Variants in GCNT1 observed in about 807,000 individuals in gnomAD.
GCNT1 encodes glucosaminyl (N-acetyl) transferase 1, also known as beta-1,3-galactosyl-O-glycosyl-glycoprotein beta-1,6-N-acetylglucosaminyltransferase.
Under a neutral mutation model 26.2 loss-of-function variants are expected in GCNT1, and 16 were observed. That is an observed-to-expected ratio of 0.61 (90% CI 0.41 to 0.93). The LOEUF (loss-of-function observed/expected upper bound fraction) is 0.93, where lower values mean the gene tolerates loss of function less well. GCNT1 is among the 40% of genes least tolerant of loss of function. The pLI is 0.00. For missense variants in GCNT1, 477 were observed against 526.7 expected (o/e 0.91, Z 0.92); for synonymous variants, 183 against 190.8 (o/e 0.96, Z 0.34).
At chr9:76,498,436 C>T (rs1157100188) in intron 2 of GCNT1, among the ~76,000 whole-genome samples, 1 of 152,078 alleles carries the variant, frequency 6.6e-6, no homozygotes, top group Non-Finnish European at 1.5e-5. Flanking sequence ...ACATTTCTAC[C>T]AGCAATTTAT....
At chr9:76,413,335 C>CGGG in the GCNT1 span, among the ~76,000 whole-genome samples, 1 of 152,180 alleles carries the variant, frequency 6.6e-6, no homozygotes, top group East Asian at 1.9e-4. Flanking sequence ...GACACTTAGA[C>CGGG]ATCCAGCTGT....
rs57881800 is a variant in GCNT1 at position 76,492,023 on chromosome 9, A to G, written c.-289-8893A>G. On this transcript the variant is annotated intron_variant, in intron 2 of 3. Coordinates refer to ENST00000376730, the MANE Select transcript of GCNT1 (RefSeq NM_001490.5). ...GCAACTATCTGTAAACAGTGAGGCC[A>G]GCCTTTTGCTACTGTATCAATTTCC... Among the ~76,000 whole-genome samples, 441 of 152,354 alleles carry G rather than the reference A, an allele frequency of 2.9e-3. 2 individuals are homozygous for G. The highest frequency in any genetic ancestry group is 0.01 in the African/African-American group (419 of 41,578).
chr9:76,444,396 G>A (rs903053392), intron 1 of GCNT1, among the ~76,000 whole-genome samples: 4 of 152,136 alleles, frequency 2.6e-5, no homozygotes, highest in Admixed American at 2.6e-4. Flanking sequence ...GTGAAGCTCT[G>A]CAGGGTTAAG....
chr9:76,452,884 C>T (rs1442012496), intron 1 of GCNT1, among the ~76,000 whole-genome samples: 1 of 152,172 alleles, frequency 6.6e-6, no homozygotes, highest in Non-Finnish European at 1.5e-5. Context: ...AATCTTCAAT[C>T]TAAGGAGCTT....
chr9:76,400,842 C>G, the GCNT1 span, among the ~76,000 whole-genome samples: 13 of 152,140 alleles, frequency 8.5e-5, no homozygotes, highest in South Asian at 2.1e-4. Flanking sequence ...AGGGAGAGTT[C>G]CTGTGATCAT....
At chr9:76,442,671 A>G (rs992523750) in intron 1 of GCNT1, among the ~76,000 whole-genome samples, 2 of 152,072 alleles carry the variant, frequency 1.3e-5, no homozygotes, top group African/African-American at 4.8e-5. Context: ...ACAGAGTGAG[A>G]CTCCATCTCA....
chr9:76,410,159 C>T, the GCNT1 span, among the ~76,000 whole-genome samples: 3 of 151,976 alleles, frequency 2.0e-5, no homozygotes, highest in Non-Finnish European at 2.9e-5. Context: ...GGGCTGGGCA[C>T]GGTGGCTCAT....
chr9:76,426,374 C>T (rs1269573999), intron 1 of GCNT1, among the ~76,000 whole-genome samples: 1 of 152,104 alleles, frequency 6.6e-6, no homozygotes, highest in African/African-American at 2.4e-5. Flanking sequence ...TCAAGACCAT[C>T]CTGGGCAACA....
At chr9:76,443,990 G>GAAGA (rs1396077066) in intron 1 of GCNT1, among the ~76,000 whole-genome samples, 5 of 73,718 alleles carry the variant, frequency 6.8e-5, no homozygotes, top group African/African-American at 1.9e-4. Flanking sequence ...AGGAAGGAAG[G>GAAGA]AAGAAAAAAA....
At chr9:76,436,217 T>C (rs540573072) in intron 1 of GCNT1, among the ~76,000 whole-genome samples, 69 of 151,906 alleles carry the variant, frequency 4.5e-4, no homozygotes, top group African/African-American at 1.6e-3. Context: ...CTCCATCTTA[T>C]AAGAAAACAT....
intron 2 of GCNT1, among the ~76,000 whole-genome samples, chr9:76,483,202 TTTG>T (rs917460165): frequency 6.6e-6 from 1 of 152,152 alleles, no homozygotes; most frequent in African/African-American, 2.4e-5. Flanking sequence ...TAAAAAAGTA[TTTG>T]TTGAGACTAG....
rs192580059 is a variant in GCNT1, at chr9:76,504,363, C to T, written c.*695C>T. Reference sequence around the variant, plus strand: ...TCTACAAATCATCTTATGTTATTAGCAAGGTTAAGACATCTTTTTTAAAAA... The same window carrying T: ...TCTACAAATCATCTTATGTTATTAGTAAGGTTAAGACATCTTTTTTAAAAA... On this transcript the variant is annotated 3_prime_UTR_variant, in exon 4 of 4. Coordinates refer to ENST00000376730, the MANE Select transcript of GCNT1 (RefSeq NM_001490.5). The T allele has an allele frequency of 3.0e-4, 52 of 175,834 alleles. No individual in the cohort carries two copies. The East Asian group carries it at 8.4e-3, about 28-fold the overall frequency. 10.9% of individuals were successfully genotyped at this position (175,834 alleles called of 1,614,324 possible). A position where few individuals can be genotyped will look rare whatever the true frequency, so the allele number is the denominator to read the frequency against.
At position 76,503,255 on chromosome 9, in the gene GCNT1, A is replaced by T. The variant is rs369641865; in HGVS notation, c.874A>T (p.Ser292Cys). Residue 292 changes from serine to cysteine, a missense_variant, in exon 4 of 4, where the codon AGT (serine) becomes TGT (cysteine). Ser to Cys is a moderately radical substitution (Grantham distance 112). Coordinates refer to ENST00000376730, the MANE Select transcript of GCNT1 (RefSeq NM_001490.5). ...TTCTGGCAGTGCCTACTTCGTGGTC[A>T]GTAGGGAGTATGTGGGGTATGTACT... Reference protein sequence around the residue: ...LFSGSAYFVVSREYVGYVLQN... With the variant: ...LFSGSAYFVVCREYVGYVLQN... 6.2e-7 allele frequency: 1 copy of T among 1,614,190 alleles called. No individual in the cohort carries two copies. Among genetic ancestry groups the T allele is most frequent in the East Asian group, 2.2e-5 (1 of 44,888 alleles).
exon 1 of GCNT1, chr9:76,442,032 C>T (rs1165058785): frequency 6.6e-6 from 1 of 152,194 alleles, no homozygotes; most frequent in South Asian, 2.1e-4. Flanking sequence ...CATGGCAATT[C>T]GCACAGTGTG....
chr9:76,452,227 C>T (rs1248949425), intron 1 of GCNT1, among the ~76,000 whole-genome samples: 1 of 152,082 alleles, frequency 6.6e-6, no homozygotes, highest in East Asian at 1.9e-4. Context: ...CCTTGGCCTC[C>T]CAAAGTGCTG....
In GCNT1 at chr9:76,485,444, G is replaced by A. The variant is rs187448583; in HGVS notation, c.-289-15472G>A. Among the ~76,000 whole-genome samples the A allele has an allele frequency of 2.8e-3, 422 of 152,294 alleles. 3 individuals carry two copies. The highest frequency in any genetic ancestry group is 4.9e-3 in the Non-Finnish European group (331 of 68,032). ...TTGCCTCGGCCTCCCAAAGTGCTGG[G>A]AGGCCTGCATTTTACTTATTTAATT... On this transcript the variant is annotated intron_variant, in intron 2 of 3. Coordinates refer to ENST00000376730, the MANE Select transcript of GCNT1 (RefSeq NM_001490.5).
At chr9:76,484,151 C>T (rs1824502035) in intron 2 of GCNT1, among the ~76,000 whole-genome samples, 1 of 152,128 alleles carries the variant, frequency 6.6e-6, no homozygotes, top group East Asian at 1.9e-4. Context: ...GAGGCCAAGG[C>T]AGGAGGCTTG....
At chr9:76,451,612 AT>A (rs1487491495) in intron 1 of GCNT1, among the ~76,000 whole-genome samples, 2 of 152,246 alleles carry the variant, frequency 1.3e-5, no homozygotes, top group African/African-American at 4.8e-5. Context: ...AAGTTTTAAT[AT>A]AAAAGGCCAA....
At chr9:76,449,489 C>T (rs868340599) in intron 1 of GCNT1, among the ~76,000 whole-genome samples, 3 of 152,262 alleles carry the variant, frequency 2.0e-5, no homozygotes, top group African/African-American at 7.2e-5. Flanking sequence ...GCCTAATTTC[C>T]CTTTGCAAAG....
Sources: allele counts gnomAD v4.1 joint callset (sites outside exome capture counted in the v4.1 genomes callset), GRCh38; gene constraint gnomAD v4.1.1; transcripts MANE v1.5; gene names NCBI Gene and HGNC (gene_info 2026-07-23, HGNC 2026-07-21).